The following NUFIP1 variants were observed in gnomAD, a reference collection of about 807,000 sequenced individuals.
NUFIP1 encodes the protein nuclear FMR1 interacting protein 1.
In NUFIP1, 38 loss-of-function variants were observed where a neutral mutation model predicts 56.2. The ratio of observed to expected loss-of-function variants is 0.68; its 90% CI spans 0.52 to 0.89. NUFIP1 has a LOEUF of 0.89. NUFIP1 is among the 40% of genes least tolerant of loss of function. NUFIP1 has a pLI of 0.00. For missense variants in NUFIP1, 567 were observed against 605.8 expected (o/e 0.94, Z 0.67); for synonymous variants, 215 against 212.4 (o/e 1.01, Z -0.10).
rs1340589757 is a variant in NUFIP1, at chr13:44,979,205, C to A, written c.719G>T (p.Arg240Met). Reference protein sequence around the residue: ...LDTPEEIARWREERRKNYPTL... With the variant: ...LDTPEEIARWMEERRKNYPTL... ...CTCTACTCACTTCCTTCTTTCTTCC[C>A]TCCACCGTGCAATTTCCTCTGGAGT... The change falls in exon 5 of 10, where the codon AGG becomes ATG. Residue 240 changes from arginine to methionine, a missense_variant. Coordinates refer to ENST00000379161, the MANE Select transcript of NUFIP1 (RefSeq NM_012345.3). 8.7e-6 allele frequency: 14 copies of A among 1,613,308 alleles called. No individual in the cohort carries two copies. Among genetic ancestry groups the A allele is most frequent in the Non-Finnish European group, 1.2e-5 (14 of 1,179,684 alleles).
At chr13:44,979,118 A>G (rs970534280) in intron 5 of NUFIP1, 72 bp downstream of exon 5, 1 of 1,192,774 alleles carries the variant, frequency 8.4e-7, no homozygotes, top group South Asian at 1.4e-5. Flanking sequence ...AAGGGAATTC[A>G]ATGAATTTAA....
At chr13:44,980,076 A>G in intron 3 of NUFIP1, 124 bp from the exon 4 acceptor site, 2 of 608,908 alleles carry the variant, frequency 3.3e-6, no homozygotes, top group Non-Finnish European at 2.7e-6. Flanking sequence ...GTATAGTATT[A>G]TCTCTGCATA....
intron 1 of NUFIP1, among the ~76,000 whole-genome samples, chr13:44,986,657 A>G (rs1414725439): frequency 6.8e-6 from 1 of 147,878 alleles, no homozygotes; most frequent in Non-Finnish European, 1.5e-5. Flanking sequence ...GAGCCACTGC[A>G]CTCCAGCCTG....
At chr13:44,958,134 C>G (rs928708954) in intron 7 of NUFIP1, among the ~76,000 whole-genome samples, 7 of 152,140 alleles carry the variant, frequency 4.6e-5, no homozygotes, top group Admixed American at 6.5e-5. Context: ...TTTTTTTATA[C>G]AAATTCAGAC....
chr13:44,969,157 T>G (rs1273408784), intron 5 of NUFIP1, among the ~76,000 whole-genome samples: 4 of 152,204 alleles, frequency 2.6e-5, no homozygotes, highest in African/African-American at 7.2e-5. Context: ...AATAAAATCC[T>G]CTTCCAAAAT....
chr13:44,946,358 T>A (rs1870901570), intron 8 of NUFIP1, among the ~76,000 whole-genome samples: 1 of 152,146 alleles, frequency 6.6e-6, no homozygotes, highest in Non-Finnish European at 1.5e-5. Flanking sequence ...TTTGTGGCCT[T>A]CTGAAATAGT....
At chr13:44,966,459 C>A (rs1297353393) in intron 5 of NUFIP1, among the ~76,000 whole-genome samples, 1 of 151,956 alleles carries the variant, frequency 6.6e-6, no homozygotes, top group Non-Finnish European at 1.5e-5. Context: ...GGATTACAGA[C>A]ACCTGCCATC....
chr13:44,973,647 G>T (rs961933481), intron 5 of NUFIP1, among the ~76,000 whole-genome samples: 1 of 152,142 alleles, frequency 6.6e-6, no homozygotes, highest in African/African-American at 2.4e-5. Context: ...CACCAACAGG[G>T]TCATAATAAA....
intron 6 of NUFIP1, among the ~76,000 whole-genome samples, chr13:44,962,981 A>G (rs1410450771): frequency 6.6e-6 from 1 of 152,182 alleles, no homozygotes; most frequent in Non-Finnish European, 1.5e-5. Context: ...TATGATATTC[A>G]TAACGACAAA....
At chr13:44,988,635 A>G (rs1334974105) in intron 1 of NUFIP1, among the ~76,000 whole-genome samples, 2 of 152,188 alleles carry the variant, frequency 1.3e-5, no homozygotes, top group African/African-American at 4.8e-5. Context: ...ACTGCTATAT[A>G]CCCAGATTCT....
At chr13:44,983,164 C>CTTATT (rs564186428) in intron 1 of NUFIP1, among the ~76,000 whole-genome samples, 1 of 151,832 alleles carries the variant, frequency 6.6e-6, no homozygotes, top group Non-Finnish European at 1.5e-5. Context: ...GACCCTGTCT[C>CTTATT]TTATTTTATT....
At chr13:44,963,083 CA>C (rs1393752638) in intron 6 of NUFIP1, among the ~76,000 whole-genome samples, 1 of 149,514 alleles carries the variant, frequency 6.7e-6, no homozygotes, top group African/African-American at 2.5e-5. Context: ...CCTCCTCCAC[CA>C]AAAAAAACAA....
chr13:44,939,629 A>C lies in NUFIP1; in HGVS notation c.*1577T>G, dbSNP rs1870665037. On this transcript the variant is annotated 3_prime_UTR_variant, in exon 10 of 10. Coordinates refer to ENST00000379161, the MANE Select transcript of NUFIP1 (RefSeq NM_012345.3). The stretch of plus-strand genomic sequence containing the variant: ...ATATCTCCTTAGAAATTTTAAATAC[A>C]CTTGGAATCTGAAATACCCATTAAA... The C allele has an allele frequency of 6.6e-6, 1 of 152,230 alleles. No individual in the cohort carries two copies. The highest frequency in any genetic ancestry group is 2.4e-5 in the African/African-American group (1 of 41,470). The allele number at this position is 152,230 out of a possible 1,614,324, so 9.4% of individuals were successfully genotyped here.
intron 1 of NUFIP1, among the ~76,000 whole-genome samples, chr13:44,982,790 CA>C (rs1293370349): frequency 6.6e-6 from 1 of 152,100 alleles, no homozygotes; most frequent in Non-Finnish European, 1.5e-5. Flanking sequence ...GAGAACTACT[CA>C]AGGCCAGGAG....
At chr13:44,975,733 C>T (rs1004078170) in intron 5 of NUFIP1, among the ~76,000 whole-genome samples, 3 of 152,144 alleles carry the variant, frequency 2.0e-5, no homozygotes, top group Non-Finnish European at 4.4e-5. Flanking sequence ...AGATGAAGTC[C>T]CCTTCCTCTT....
At chr13:44,980,036 T>G in intron 3 of NUFIP1, 84 bp from the exon 4 acceptor site, 1 of 971,334 alleles carries the variant, frequency 1.0e-6, no homozygotes, top group Non-Finnish European at 1.6e-6. Flanking sequence ...CACAGACATA[T>G]TCTGGCTGTA....
At chr13:44,985,001 C>G (rs1025054138) in intron 1 of NUFIP1, among the ~76,000 whole-genome samples, 4 of 152,164 alleles carry the variant, frequency 2.6e-5, no homozygotes, top group African/African-American at 9.7e-5. Flanking sequence ...AGAATGATGA[C>G]TTCCAATTTC....
chr13:44,989,097 C>G lies in NUFIP1; in HGVS notation c.340G>C (p.Ala114Pro). The stretch of plus-strand genomic sequence containing the variant: ...TGTCTCCAATACCACGATGTGGAAG[C>G]ATGGAAATTCCAAGGCTGGCCGCTG... ...QPSGQPWNFH[A>P]STSWYWRQSS... The change falls in exon 1 of 10, where the codon GCT (alanine) becomes CCT (proline). Residue 114 changes from alanine (A) to proline (P), a missense_variant. Transcript: ENST00000379161. 2.5e-6 allele frequency: 4 copies of G among 1,614,186 alleles called. No homozygotes were observed. Among genetic ancestry groups the G allele is most frequent in the Non-Finnish European group, 3.4e-6 (4 of 1,180,020 alleles).
chr13:44,966,748 C>G (rs551181526), intron 5 of NUFIP1, among the ~76,000 whole-genome samples: 1 of 151,618 alleles, frequency 6.6e-6, no homozygotes, highest in Non-Finnish European at 1.5e-5. Flanking sequence ...TTGAGGTGGG[C>G]GGATCATTTG....
Sources: allele counts gnomAD v4.1 joint callset (sites outside exome capture counted in the v4.1 genomes callset), GRCh38; gene constraint gnomAD v4.1.1; transcripts MANE v1.5; gene names NCBI Gene and HGNC (gene_info 2026-07-23, HGNC 2026-07-21).